KDM8: variants seen among roughly 807,000 people sequenced by gnomAD.
The protein encoded by KDM8 is lysine demethylase 8.
A neutral mutation model predicts 46.9 loss-of-function variants in KDM8; 35 were observed. That is an observed-to-expected ratio of 0.75 (90% CI 0.57 to 0.99). KDM8 has a LOEUF of 0.99. KDM8 is among the 50% of genes least tolerant of loss of function. The pLI is 0.00. For synonymous variants in KDM8, 232 were observed against 227.7 expected, an observed-to-expected ratio of 1.02 and a Z score of -0.17; for missense variants, 475 against 537.0, an observed-to-expected ratio of 0.88 and a Z score of 1.14.
chr16:27,220,001 G>A (rs780396598), intron 6 of KDM8, among the ~76,000 whole-genome samples: 23 of 152,170 alleles, frequency 1.5e-4, no homozygotes, highest in Non-Finnish European at 2.8e-4. Flanking sequence ...GATCACTTGA[G>A]GCCAGGAGTT....
In KDM8 at chr16:27,220,570, A is replaced by C; in HGVS notation, c.1091A>C (p.Asp364Ala). Residue 364 changes from aspartate to alanine, a missense_variant, in exon 8 of 8, where the codon GAC becomes GCC. By Grantham distance (126) the Asp-to-Ala change is moderately radical. Coordinates refer to ENST00000286096, the MANE Select transcript of KDM8 (RefSeq NM_024773.3). ...THLLHNTSQV[D>A]VENPDLEKFP... Reference sequence around the variant, plus strand: ...GACGTCCTTTGCTTTCTTCAGGTTGACGTGGAGAATCCCGACCTGGAAAAG... The same window carrying C: ...GACGTCCTTTGCTTTCTTCAGGTTGCCGTGGAGAATCCCGACCTGGAAAAG... 1.2e-6 allele frequency: 2 copies of C among 1,614,056 alleles called. No homozygotes were observed. The highest frequency in any genetic ancestry group is 1.7e-6 in the Non-Finnish European group (2 of 1,180,002).
In KDM8 at chr16:27,209,765, C is replaced by T. The variant is rs2083462471; in HGVS notation, c.-31-328C>T. Among the ~76,000 whole-genome samples, 3 of 152,326 alleles carry T rather than the reference C, an allele frequency of 2.0e-5. 1 individual carries two copies. In the South Asian group the frequency reaches 6.2e-4, roughly 32 times the overall value. ...TGTTGGAGAGTCTTGGCAGGCCTCA[C>T]ATAGGGATATTTAAGATGGGCTTTA... On this transcript the variant is annotated intron_variant, in intron 1 of 7. Transcript: ENST00000286096.
rs2083625078 is a variant in KDM8 at position 27,221,371 on chromosome 16, C to T, written c.*641C>T. On this transcript the variant is annotated 3_prime_UTR_variant, in exon 8 of 8. Transcript: ENST00000286096. Reference sequence around the variant, plus strand: ...GGTCACAGGAGAGAGTCCGTAGAGACCTGCGCAGGAGCCGGGACCCCTGCT... The same window carrying T: ...GGTCACAGGAGAGAGTCCGTAGAGATCTGCGCAGGAGCCGGGACCCCTGCT... 1 of 170,666 alleles carries T rather than the reference C, an allele frequency of 5.9e-6. No homozygotes were observed. Among genetic ancestry groups the T allele is most frequent in the Admixed American group, 5.5e-5 (1 of 18,230 alleles). 10.6% of individuals were successfully genotyped at this position (170,666 alleles called of 1,614,324 possible). A position where few individuals can be genotyped will look rare whatever the true frequency, so the allele number is the denominator to read the frequency against.
Position 27,220,279 on chromosome 16 carries a change from G to A in KDM8, c.994-114G>A, listed in dbSNP as rs1244167036. On this transcript the variant is annotated intron_variant, in intron 6 of 7. Transcript: ENST00000286096. ...GGAACCATAAGCATGTGTGTGGTGGGGAAGGGCAGGCTGGGCCCAGGGAGC... is the reference window on the plus strand; with the variant it reads ...GGAACCATAAGCATGTGTGTGGTGGAGAAGGGCAGGCTGGGCCCAGGGAGC... 3 of 827,464 alleles carry A rather than the reference G, an allele frequency of 3.6e-6. No individual in the cohort carries two copies. In the African/African-American group the frequency reaches 5.0e-5, roughly 14 times the overall value. The allele number at this position is 827,464 out of a possible 1,614,324, so 51.3% of individuals were successfully genotyped here.
chr16:27,216,185 C>A, intron 5 of KDM8, 196 bp downstream of exon 5: 1 of 615,864 alleles, frequency 1.6e-6, no homozygotes, highest in South Asian at 1.9e-5. Flanking sequence ...CGCCAGTGCC[C>A]CGAGGATTGT....
At chr16:27,210,034 A>G in intron 1 of KDM8, 59 bp from the exon 2 acceptor site, 1 of 1,482,102 alleles carries the variant, frequency 6.7e-7, no homozygotes, top group Non-Finnish European at 9.0e-7. Context: ...AGCTGCGGGA[A>G]TGCACAGGGG....
rs2083546198 is a variant in KDM8, at chr16:27,215,960, T to G, written c.814T>G (p.Tyr272Asp). The G allele has an allele frequency of 6.2e-7, 1 of 1,614,168 alleles. No homozygotes were observed. Residue 272 changes from tyrosine (Y) to aspartate (D), a missense_variant, in exon 5 of 8, where the codon TAC becomes GAC. Tyr to Asp is a radical substitution (Grantham distance 160). Coordinates refer to ENST00000286096, the MANE Select transcript of KDM8 (RefSeq NM_024773.3). ...GGTGGATTAGCCAAGGGACGTCGGG[T>G]ACCTTGCTCAGCACCAGCTCTTTGA... ...YIVNEPRDVGYLAQHQLFDQI... is the reference protein window; with the variant it reads ...YIVNEPRDVGDLAQHQLFDQI...
At chr16:27,212,458 G>C (rs905438066) in intron 2 of KDM8, among the ~76,000 whole-genome samples, 1 of 152,192 alleles carries the variant, frequency 6.6e-6, no homozygotes, top group Admixed American at 6.5e-5. Context: ...TGCAGGCCGG[G>C]CATGGTGGCT....
intron 1 of KDM8, chr16:27,204,233 G>C (rs1292241897): frequency 7.0e-6 from 10 of 1,431,324 alleles, no homozygotes; most frequent in Non-Finnish European, 9.2e-6. Context: ...GGTGCTTGTA[G>C]CTCGGTAGGA....
chr16:27,210,622 G>T lies in KDM8; in HGVS notation c.498+1G>T. 6.6e-7 allele frequency: 1 copy of T among 1,506,598 alleles called. No individual in the cohort carries two copies. 93.3% of individuals were successfully genotyped at this position (1,506,598 alleles called of 1,614,324 possible). Reference sequence around the variant, plus strand: ...CCTCCCAGAGCAACCCTGCACAAAGGTATGTGGGGGAGATTCTCCCCAAGC... The same window carrying T: ...CCTCCCAGAGCAACCCTGCACAAAGTTATGTGGGGGAGATTCTCCCCAAGC... On this transcript the variant is annotated splice_donor_variant, in intron 2 of 7. Transcript: ENST00000286096. LOFTEE classifies it high-confidence loss of function.
intron 1 of KDM8, chr16:27,204,051 C>G (rs2083403450): frequency 6.5e-7 from 1 of 1,527,572 alleles, no homozygotes; most frequent in African/African-American, 1.4e-5. Context: ...GCCCCTGGGC[C>G]GCAAGGCAGG....
rs2083472307 is a variant in KDM8, at chr16:27,210,528, G to C, written c.405G>C (p.Gly135=). 6.5e-7 allele frequency: 1 copy of C among 1,543,364 alleles called. No individual in the cohort carries two copies. The highest frequency in any genetic ancestry group is 8.7e-7 in the Non-Finnish European group (1 of 1,143,692). Residue 135 remains glycine, a synonymous_variant, in exon 2 of 8, where the codon GGG becomes GGC. Transcript: ENST00000286096. ...MGLLMGAAIL[G]DILLKVAAIL... The stretch of plus-strand genomic sequence containing the variant: ...TGCTGATGGGGGCAGCCATCCTGGG[G>C]GACATCCTTCTTAAAGTCGCTGCCA...
intron 5 of KDM8, among the ~76,000 whole-genome samples, chr16:27,217,585 G>C (rs778121910): frequency 1.3e-5 from 2 of 152,234 alleles, no homozygotes; most frequent in African/African-American, 2.4e-5. Context: ...CTGCGTTTCT[G>C]CACAGCTGAT....
In KDM8 at chr16:27,213,752, G is replaced by A; in HGVS notation, c.665+1G>A. ...ACTGGCCGTGCATGCAGAAGTGGAG[G>A]TGGGTGGTCGCTGAGGGAGGTGAGG... is the stretch of plus-strand genomic sequence containing the variant. On this transcript the variant is annotated splice_donor_variant, in intron 3 of 7. Transcript: ENST00000286096. LOFTEE classifies it high-confidence loss of function. 2 of 1,613,538 alleles carry A rather than the reference G, an allele frequency of 1.2e-6. No homozygotes were observed. Among genetic ancestry groups the A allele is most frequent in the Non-Finnish European group, 8.5e-7 (1 of 1,179,602 alleles).
chr16:27,203,962 T>G, intron 1 of KDM8: 1 of 645,436 alleles, frequency 1.5e-6, no homozygotes. Flanking sequence ...TGGCGTCGCG[T>G]TGGTGTAGGC....
chr16:27,211,375 T>G, intron 2 of KDM8: 2 of 359,512 alleles, frequency 5.6e-6, no homozygotes, highest in Non-Finnish European at 1.1e-5. Flanking sequence ...TGTTTTGGGG[T>G]CAATCTCTCC....
rs946242460 is a variant in KDM8, at chr16:27,210,724, C to T, written c.498+103C>T. The T allele has an allele frequency of 6.1e-6, 7 of 1,150,032 alleles. No individual in the cohort carries two copies. The African/African-American group carries it at 9.3e-5, about 15-fold the overall frequency. 71.2% of individuals were successfully genotyped at this position (1,150,032 alleles called of 1,614,324 possible). ...CCCTGGGGTGAGGCCTCGTGGCCTG[C>T]AACCCCTCTGGTGGAAAACAGCATT... On this transcript the variant is annotated intron_variant, in intron 2 of 7. Coordinates refer to ENST00000286096, the MANE Select transcript of KDM8 (RefSeq NM_024773.3).
chr16:27,220,231 AAAAG>A (rs2083602357), intron 6 of KDM8, 158 bp from the exon 7 acceptor site: 8 of 689,116 alleles, frequency 1.2e-5, no homozygotes, highest in African/African-American at 7.1e-5. Context: ...TAAAAAATAA[AAAAG>A]AAAGAAAAAC....
At chr16:27,215,210 G>C (rs2083537377) in intron 4 of KDM8, among the ~76,000 whole-genome samples, 1 of 152,132 alleles carries the variant, frequency 6.6e-6, no homozygotes, top group Non-Finnish European at 1.5e-5. Context: ...CTTTTTAATG[G>C]GCAGGGGAGT....
Sources: allele counts gnomAD v4.1 joint callset (sites outside exome capture counted in the v4.1 genomes callset), GRCh38; gene constraint gnomAD v4.1.1; transcripts MANE v1.5; gene names NCBI Gene and HGNC (gene_info 2026-07-23, HGNC 2026-07-21).